WIPI1: variants seen among roughly 807,000 people sequenced by gnomAD.
The protein encoded by WIPI1 is WD repeat domain, phosphoinositide interacting 1, also known as WD repeat domain phosphoinositide-interacting protein 1.
In WIPI1, 45 loss-of-function variants were observed where a neutral mutation model predicts 55.3. The ratio of observed to expected loss-of-function variants is 0.81; its 90% confidence interval spans 0.64 to 1.04. The LOEUF is 1.04. WIPI1 is among the 50% of genes least tolerant of loss of function. WIPI1 has a pLI of 0.00. For synonymous variants in WIPI1, 195 were observed against 217.6 expected (o/e 0.90, Z 0.92); for missense variants, 445 against 559.0 (o/e 0.80, Z 2.06).
intron 10 of WIPI1, 23 bp from the exon 11 acceptor site, chr17:68,427,276 G>C (rs758141530): frequency 1.3e-6 from 2 of 1,579,502 alleles, no homozygotes; most frequent in South Asian, 1.1e-5. Flanking sequence ...ATCAAGAGGA[G>C]GTGAAAGAAA....
intron 8 of WIPI1, among the ~76,000 whole-genome samples, chr17:68,430,958 TA>T (rs2083482263): frequency 6.6e-6 from 1 of 152,156 alleles, no homozygotes; most frequent in East Asian, 1.9e-4. Flanking sequence ...ACCAATGGGC[TA>T]GGGGGTCTTT....
Position 68,457,422 on chromosome 17 carries a change from C to T in WIPI1, c.-1G>A. On this transcript the variant is annotated 5_prime_UTR_variant, in exon 1 of 13. Transcript: ENST00000262139. ...GAGCGTCCGCGGCCTCGGCCTCCAT[C>T]GGGGGCTCGGCCCGGGAAGCCGCAG... 2 of 1,477,864 alleles carry T rather than the reference C, an allele frequency of 1.4e-6. No homozygotes were observed. Among genetic ancestry groups the T allele is most frequent in the Non-Finnish European group, 1.8e-6 (2 of 1,113,618 alleles). 91.5% of individuals were successfully genotyped at this position (1,477,864 alleles called of 1,614,324 possible). A position where few individuals can be genotyped will look rare whatever the true frequency, so the allele number is the denominator to read the frequency against.
intron 1 of WIPI1, among the ~76,000 whole-genome samples, chr17:68,456,138 G>T (rs901361638): frequency 6.6e-6 from 1 of 152,186 alleles, no homozygotes; most frequent in Non-Finnish European, 1.5e-5. Context: ...TACATATTTC[G>T]TATTGTGGAT....
At chr17:68,438,786 A>G (rs901907764) in intron 4 of WIPI1, among the ~76,000 whole-genome samples, 1 of 152,178 alleles carries the variant, frequency 6.6e-6, no homozygotes, top group Non-Finnish European at 1.5e-5. Flanking sequence ...TTTTCAGTAG[A>G]GACAGGGTTT....
At position 68,431,278 on chromosome 17, in the gene WIPI1, G is replaced by A. The variant is rs143401761; in HGVS notation, c.801-1118C>T. On this transcript the variant is annotated intron_variant, in intron 8 of 12. Transcript: ENST00000262139. ...GCGGATGAGGTTCCTTAACGTTTCC[G>A]TGTCCAGATTTCCTCATTTGGGAAA... Among the ~76,000 whole-genome samples, 415 of 152,282 alleles carry A rather than the reference G, an allele frequency of 2.7e-3. 1 individual carries two copies. The highest frequency in any genetic ancestry group is 0.01 in the Middle Eastern group (3 of 294).
intron 2 of WIPI1, among the ~76,000 whole-genome samples, chr17:68,451,961 C>T (rs2084516715): frequency 6.6e-6 from 1 of 152,126 alleles, no homozygotes; most frequent in Admixed American, 6.5e-5. Context: ...GCAAAAAATT[C>T]ACAAAAATGG....
chr17:68,426,259 A>AATAAAGGGC, intron 11 of WIPI1, 84 bp from the exon 12 acceptor site: 1 of 1,033,428 alleles, frequency 9.7e-7, no homozygotes, highest in Admixed American at 2.0e-5. Flanking sequence ...CGGGGGCTCA[A>AATAAAGGGC]ATAAAGGGCA....
chr17:68,457,179 A>C (rs67556103), intron 1 of WIPI1, among the ~76,000 whole-genome samples, 163 bp downstream of exon 1: 72,183 of 151,790 alleles, frequency 0.48, 17,398 homozygotes, highest in South Asian at 0.51. Flanking sequence ...AACCCCACTG[A>C]AGGGGTACGG....
In WIPI1 at chr17:68,421,477, C is replaced by T. The variant is rs1337371605; in HGVS notation, c.*296G>A. ...ACGGCATATATTTAAAAAGGAGGCC[C>T]CTTTTAATATAAAATTCCGGTTATA... is the stretch of plus-strand genomic sequence containing the variant. On this transcript the variant is annotated 3_prime_UTR_variant, in exon 13 of 13. Coordinates refer to ENST00000262139, the MANE Select transcript of WIPI1 (RefSeq NM_017983.7). 2 of 392,426 alleles carry T rather than the reference C, an allele frequency of 5.1e-6. No homozygotes were observed. The highest frequency in any genetic ancestry group is 3.8e-5 in the Admixed American group (1 of 26,666). 24.3% of individuals were successfully genotyped at this position (392,426 alleles called of 1,614,324 possible).
Position 68,423,117 on chromosome 17 carries a change from T to C in WIPI1, c.1294-1297A>G, listed in dbSNP as rs1314679285. Reference sequence around the variant, plus strand: ...TTGTTCGTCACTACAAGAGAGGCGATTTTAACCAAGCTGAGACTCCAAGAG... The same window carrying C: ...TTGTTCGTCACTACAAGAGAGGCGACTTTAACCAAGCTGAGACTCCAAGAG... On this transcript the variant is annotated intron_variant, in intron 12 of 12. Transcript: ENST00000262139. This position sits in a 1 kb window ranked among gnomAD's most constrained non-coding sequence, Gnocchi z 4.4. Among the ~76,000 whole-genome samples, 1 of 152,176 alleles carries C rather than the reference T, an allele frequency of 6.6e-6. No homozygotes were observed. Among genetic ancestry groups the C allele is most frequent in the Non-Finnish European group, 1.5e-5 (1 of 68,032 alleles).
intron 10 of WIPI1, chr17:68,427,462 T>G (rs932409127): frequency 1.4e-5 from 5 of 367,478 alleles, no homozygotes; most frequent in Non-Finnish European, 2.5e-5. Flanking sequence ...GTTCAAGCGA[T>G]TCTCCTGCCT....
chr17:68,445,808 G>A (rs906265925), intron 3 of WIPI1, among the ~76,000 whole-genome samples: 1 of 152,226 alleles, frequency 6.6e-6, no homozygotes, highest in Non-Finnish European at 1.5e-5. Context: ...CATCTGAGCA[G>A]CTGCCGACCA....
chr17:68,437,948 T>TAAAAAAAAAAAAAAAAA (rs199649033), intron 4 of WIPI1, among the ~76,000 whole-genome samples: 5 of 78,806 alleles, frequency 6.3e-5, no homozygotes, highest in African/African-American at 2.4e-4. Flanking sequence ...ACATCTCTCT[T>TAAAAAAAAAAAAAAAAA]AAAAAAAAAA....
chr17:68,428,392 C>A (rs2083345907), intron 10 of WIPI1: 1 of 171,384 alleles, frequency 5.8e-6, no homozygotes, highest in Admixed American at 5.9e-5. Context: ...CCACAACCGG[C>A]TAATTTTTGT....
At chr17:68,435,089 C>T (rs1027215661) in intron 6 of WIPI1, among the ~76,000 whole-genome samples, 7 of 152,060 alleles carry the variant, frequency 4.6e-5, no homozygotes, top group Admixed American at 4.6e-4. Context: ...TGCCTGTAAT[C>T]TCAGCTACTC....
chr17:68,435,780 C>A, intron 5 of WIPI1, 68 bp from the exon 6 acceptor site: 1 of 1,425,524 alleles, frequency 7.0e-7, no homozygotes, highest in South Asian at 1.2e-5. Flanking sequence ...ACCTCCCTCC[C>A]CTTCCTCTTT....
chr17:68,457,450 C>G lies in WIPI1; in HGVS notation c.-29G>C. The G allele has an allele frequency of 2.0e-6, 3 of 1,472,186 alleles. No individual in the cohort carries two copies. Among genetic ancestry groups the G allele is most frequent in the Admixed American group, 2.5e-5 (1 of 39,680 alleles). The allele number at this position is 1,472,186 out of a possible 1,614,324, so 91.2% of individuals were successfully genotyped here. On this transcript the variant is annotated 5_prime_UTR_variant, in exon 1 of 13. Transcript: ENST00000262139. ...GGGCTCGGCCCGGGAAGCCGCAGCT[C>G]GGAGCCGGCGACAGCCACCTCAGCA...
chr17:68,444,735 A>T (rs2084212378), intron 3 of WIPI1, 146 bp from the exon 4 acceptor site: 3 of 614,986 alleles, frequency 4.9e-6, no homozygotes, highest in South Asian at 4.5e-5. Context: ...GATTGTGTTT[A>T]TGGATGTACA....
At chr17:68,450,214 AC>A (rs1452928182) in intron 3 of WIPI1, among the ~76,000 whole-genome samples, 1 of 152,170 alleles carries the variant, frequency 6.6e-6, no homozygotes, top group Non-Finnish European at 1.5e-5. Flanking sequence ...AAAAATGAGA[AC>A]CCAAGGCTGA....
Sources: gnomAD v4.1 joint callset for allele counts (sites outside exome capture counted in the v4.1 genomes callset) on GRCh38, gnomAD v4.1.1 for gene constraint, Gnocchi (gnomAD v3.1) non-coding constraint, MANE v1.5 for transcripts, NCBI Gene and HGNC (gene_info 2026-07-23, HGNC 2026-07-21) for gene names.